Variants in TP63 observed in about 807,000 individuals in gnomAD.
TP63 encodes tumor protein p63, also known as tumor protein 63.
Under a neutral mutation model 82.8 loss-of-function variants are expected in TP63, and 17 were observed. The observed-to-expected ratio is 0.21, with a 90% CI of 0.14 to 0.31. TP63 has a LOEUF of 0.31. TP63 is among the 10% of genes least tolerant of loss of function. TP63 has a pLI of 1.00. For synonymous variants in TP63, 330 were observed against 321.7 expected, an observed-to-expected ratio of 1.03 and a Z score of -0.28; for missense variants, 648 against 895.3, an observed-to-expected ratio of 0.72 and a Z score of 3.52.
chr3:189,884,452 C>G (rs1341128536), intron 10 of TP63, among the ~76,000 whole-genome samples: 1 of 152,186 alleles, frequency 6.6e-6, no homozygotes, highest in Non-Finnish European at 1.5e-5. Flanking sequence ...ATCCATTTAG[C>G]AACATGTGAT....
chr3:189,642,737 CT>C (rs1160289149), intron 1 of TP63, among the ~76,000 whole-genome samples: 2 of 151,994 alleles, frequency 1.3e-5, no homozygotes, highest in Non-Finnish European at 2.9e-5. Flanking sequence ...GCTGTGTAAC[CT>C]GTCCTGGGTA....
intron 1 of TP63, among the ~76,000 whole-genome samples, chr3:189,722,817 G>A (rs1719495920): frequency 6.6e-6 from 1 of 152,174 alleles, no homozygotes; most frequent in Non-Finnish European, 1.5e-5. Flanking sequence ...ATACTATTTT[G>A]TTCAAGTATT....
chr3:189,822,313 C>T lies in TP63; in HGVS notation c.579+13787C>T, dbSNP rs180688209. Among the ~76,000 whole-genome samples, 107 of 152,222 alleles carry T rather than the reference C, an allele frequency of 7.0e-4. 1 individual carries two copies. The South Asian group carries it at 0.021, about 30-fold the overall frequency. ...CTACTCCATAAAGTAGCTCTAGCCT[C>T]TGGTGCCTAGTAGAGGTGATGTATT... On this transcript the variant is annotated intron_variant, in intron 4 of 13. Coordinates refer to ENST00000264731, the MANE Select transcript of TP63 (RefSeq NM_003722.5).
At chr3:189,720,972 T>A (rs1719348298) in intron 1 of TP63, among the ~76,000 whole-genome samples, 1 of 152,146 alleles carries the variant, frequency 6.6e-6, no homozygotes, top group Non-Finnish European at 1.5e-5. Flanking sequence ...GGCCTATTCG[T>A]AAACAAGTCT....
At chr3:189,658,632 C>A (rs1713600973) in intron 1 of TP63, among the ~76,000 whole-genome samples, 1 of 152,018 alleles carries the variant, frequency 6.6e-6, no homozygotes, top group African/African-American at 2.4e-5. Context: ...AGACAAATTT[C>A]AGTTAAGGGG....
Position 189,875,613 on chromosome 3 carries a change from T to TATATATATATATATACACAC in TP63, c.1349+2633_1349+2634insCACACATATATATATATATA, listed in dbSNP as rs1553859704. Among the ~76,000 whole-genome samples the TATATATATATATATACACAC allele has an allele frequency of 1.2e-3, 126 of 105,480 alleles. 4 individuals are homozygous for TATATATATATATATACACAC. The highest frequency in any genetic ancestry group is 2.1e-3 in the Non-Finnish European group (111 of 52,044). 69.2% of individuals were successfully genotyped at this position (105,480 alleles called of 152,430 possible). ...ACATACATATATATATATATATATA[T>TATATATATATATATACACAC]ATATATATATATATATATATATATA... On this transcript the variant is annotated intron_variant, in intron 10 of 13. Transcript: ENST00000264731.
intron 3 of TP63, among the ~76,000 whole-genome samples, chr3:189,765,568 G>A (rs1722897478): frequency 2.0e-5 from 3 of 150,896 alleles, no homozygotes; most frequent in African/African-American, 4.9e-5. Context: ...GAGTAGCTGG[G>A]ACTACAGGTG....
At position 189,765,273 on chromosome 3, in the gene TP63, T is replaced by G. The variant is rs560522314; in HGVS notation, c.324+26499T>G. Reference sequence around the variant, plus strand: ...AAAAAAAAATCAGTTTTGTGACTAATTGATATGAGAAACAAATGTATCCCC... The same window carrying G: ...AAAAAAAAATCAGTTTTGTGACTAAGTGATATGAGAAACAAATGTATCCCC... On this transcript the variant is annotated intron_variant, in intron 3 of 13. Transcript: ENST00000264731. 4.6e-5 allele frequency among the ~76,000 whole-genome samples: 7 copies of G among 151,978 alleles called. No individual in the cohort carries two copies. In the South Asian group the frequency reaches 1.5e-3, roughly 32 times the overall value.
At chr3:189,802,440 G>A (rs1245133595) in intron 3 of TP63, among the ~76,000 whole-genome samples, 19 of 152,146 alleles carry the variant, frequency 1.2e-4, no homozygotes, top group Admixed American at 1.2e-3. Flanking sequence ...TTTTGAATGT[G>A]GTCTTATAGC....
chr3:189,676,207 A>G (rs533581403), intron 1 of TP63, among the ~76,000 whole-genome samples: 1 of 152,268 alleles, frequency 6.6e-6, no homozygotes, highest in East Asian at 1.9e-4. Context: ...AGTTTCAAGT[A>G]TACAATATAA....
upstream of TP63, among the ~76,000 whole-genome samples, chr3:189,627,131 A>G (rs925742768): frequency 3.9e-5 from 6 of 152,190 alleles, no homozygotes; most frequent in Non-Finnish European, 7.4e-5. Context: ...ACTGCTTTAC[A>G]CAACATTTGC....
At chr3:189,757,612 GA>G in intron 3 of TP63, among the ~76,000 whole-genome samples, 1 of 148,586 alleles carries the variant, frequency 6.7e-6, no homozygotes, top group South Asian at 2.1e-4. Flanking sequence ...TGCAGGACAA[GA>G]AAAAAATCTA....
chr3:189,819,840 C>A (rs1201261207), intron 4 of TP63, among the ~76,000 whole-genome samples: 1 of 151,338 alleles, frequency 6.6e-6, no homozygotes, highest in Non-Finnish European at 1.5e-5. Context: ...CAACCTCCCC[C>A]TCCCAGGTTC....
At chr3:189,604,968 A>T in the TP63 span, among the ~76,000 whole-genome samples, 1 of 152,092 alleles carries the variant, frequency 6.6e-6, no homozygotes, top group Non-Finnish European at 1.5e-5. Flanking sequence ...TCAACATCCT[A>T]TTTCCCTTTC....
chr3:189,622,646 C>T, the TP63 span, among the ~76,000 whole-genome samples: 18 of 152,116 alleles, frequency 1.2e-4, no homozygotes, highest in Admixed American at 2.6e-4. Context: ...GTCTCAACAC[C>T]AGGCATACCA....
At chr3:189,729,884 G>T (rs1220586960) in intron 1 of TP63, among the ~76,000 whole-genome samples, 1 of 152,148 alleles carries the variant, frequency 6.6e-6, no homozygotes, top group Non-Finnish European at 1.5e-5. Flanking sequence ...ACACTAAAAG[G>T]CATCAAGGTA....
At chr3:189,695,083 A>G (rs1255236753) in intron 1 of TP63, among the ~76,000 whole-genome samples, 2 of 151,318 alleles carry the variant, frequency 1.3e-5, no homozygotes, top group African/African-American at 4.9e-5. Context: ...GTGGAGAGTT[A>G]TTTTCTATCT....
intron 1 of TP63, among the ~76,000 whole-genome samples, chr3:189,708,263 C>A (rs1214637058): frequency 2.6e-5 from 4 of 152,272 alleles, no homozygotes; most frequent in Admixed American, 2.6e-4. Flanking sequence ...ATGTCTCTGC[C>A]AGTAGTAGCA....
chr3:189,597,495 A>C, the TP63 span, among the ~76,000 whole-genome samples: 1 of 152,256 alleles, frequency 6.6e-6, no homozygotes. Flanking sequence ...GTTTTGTCCA[A>C]AACTTCTAAA....
Sources: gnomAD v4.1 joint callset for allele counts (sites outside exome capture counted in the v4.1 genomes callset) on GRCh38, gnomAD v4.1.1 for gene constraint, MANE v1.5 for transcripts, NCBI Gene and HGNC (gene_info 2026-07-23, HGNC 2026-07-21) for gene names.